The following CAPN7 variants were observed in gnomAD, a reference collection of about 807,000 sequenced individuals.
CAPN7 encodes calpain-7.
A neutral mutation model predicts 115.2 loss-of-function variants in CAPN7; 72 were observed. The ratio of observed to expected loss-of-function variants is 0.63; its 90% CI spans 0.52 to 0.76. The LOEUF (loss-of-function observed/expected upper bound fraction) is 0.76, where lower values mean the gene tolerates loss of function less well. Ranked by LOEUF, CAPN7 falls within the 30% of genes least tolerant of loss-of-function variation. The pLI, the probability that CAPN7 is intolerant of heterozygous loss-of-function variation, is 0.00. For missense variants in CAPN7, 905 were observed against 971.5 expected, an observed-to-expected ratio of 0.93 and a Z score of 0.91; for synonymous variants, 344 against 322.3, an observed-to-expected ratio of 1.07 and a Z score of -0.72.
At chr3:15,228,565 T>C (rs1398546442) in intron 7 of CAPN7, among the ~76,000 whole-genome samples, 1 of 152,178 alleles carries the variant, frequency 6.6e-6, no homozygotes, top group East Asian at 1.9e-4. Flanking sequence ...TGTAGGAACA[T>C]GGATGGAGCT....
chr3:15,223,603 C>A, intron 6 of CAPN7, 42 bp downstream of exon 6: 1 of 1,129,344 alleles, frequency 8.9e-7, no homozygotes, highest in Non-Finnish European at 1.3e-6. Context: ...AATATTTTAA[C>A]TTTTCAGTAC....
rs1323217146 is a variant in CAPN7 at position 15,232,632 on chromosome 3, C to A, written c.1146C>A (p.Val382=). The change falls in exon 10 of 21, where the codon GTC becomes GTA. Residue 382 remains valine, a synonymous_variant. Coordinates refer to ENST00000253693, the MANE Select transcript of CAPN7 (RefSeq NM_014296.3). ...TCATAGAAAAAGCATACATGAAAGT[C>A]ATGGGAGGATATGATTTTCCAGGAT... is the stretch of plus-strand genomic sequence containing the variant. ...VSLIEKAYMK[V]MGGYDFPGSN... is the part of the protein sequence containing the mutation. 6.2e-7 allele frequency: 1 copy of A among 1,610,940 alleles called. No individual in the cohort carries two copies. Among genetic ancestry groups the A allele is most frequent in the Non-Finnish European group, 8.5e-7 (1 of 1,178,834 alleles).
intron 12 of CAPN7, among the ~76,000 whole-genome samples, chr3:15,235,775 T>A (rs1694954709): frequency 6.6e-6 from 1 of 152,174 alleles, no homozygotes; most frequent in Non-Finnish European, 1.5e-5. Flanking sequence ...TGCGGCCCAG[T>A]TCCTAACAGG....
rs963262127 is a variant in CAPN7 at position 15,241,460 on chromosome 3, G to A, written c.1660G>A (p.Asp554Asn). The A allele has an allele frequency of 1.2e-6, 2 of 1,613,492 alleles. No homozygotes were observed. The highest frequency in any genetic ancestry group is 1.1e-5 in the South Asian group (1 of 91,040). The part of the protein sequence containing the change: ...KESTCIHSTW[D>N]AKQGPVKDAY... Reference sequence around the variant, plus strand: ...GTTGACTTTATCTTTTAGTACTTGGGATGCTAAGCAAGGACCTGTGAAAGA... The same window carrying A: ...GTTGACTTTATCTTTTAGTACTTGGAATGCTAAGCAAGGACCTGTGAAAGA... Residue 554 changes from aspartate (D) to asparagine (N), a missense_variant, in exon 15 of 21, where the codon GAT (aspartate) becomes AAT (asparagine). Asp to Asn is a conservative substitution (Grantham distance 23). Coordinates refer to ENST00000253693, the MANE Select transcript of CAPN7 (RefSeq NM_014296.3).
chr3:15,229,052 A>T lies in CAPN7; in HGVS notation c.931A>T (p.Ile311Phe). The T allele has an allele frequency of 6.2e-7, 1 of 1,610,994 alleles. No homozygotes were observed. The highest frequency in any genetic ancestry group is 2.2e-5 in the East Asian group (1 of 44,840). The change falls in exon 8 of 21, where the codon ATT (isoleucine) becomes TTT (phenylalanine). Residue 311 changes from isoleucine to phenylalanine, a missense_variant. Physicochemically the swap from Ile to Phe is conservative, Grantham distance 21. Transcript: ENST00000253693. ...AYERRFNKKL[I>F]TGIIYPQNKD... is the part of the protein sequence containing the mutation. Reference sequence around the variant, plus strand: ...TGAAAGACGTTTTAATAAGAAGTTAATTACCGGGTAAAAATGTGTCTCTCT... The same window carrying T: ...TGAAAGACGTTTTAATAAGAAGTTATTTACCGGGTAAAAATGTGTCTCTCT...
In CAPN7 at chr3:15,217,404, G is replaced by T. The variant is rs201431044; in HGVS notation, c.212-21G>T. The stretch of plus-strand genomic sequence containing the variant: ...TGTATTTAGATAATACTCCTTCTGC[G>T]TATTTTTTTTTCTATCCTAGTTCAG... On this transcript the variant is annotated intron_variant, in intron 2 of 20. Transcript: ENST00000253693. The T allele has an allele frequency of 1.6e-3, 2,520 of 1,566,162 alleles. 28 individuals carry two copies. In the African/African-American group the frequency reaches 0.027, roughly 17 times the overall value.
rs1223710059 is a variant in CAPN7, at chr3:15,235,039, A to T, written c.1301A>T (p.Asp434Val). Reference sequence around the variant, plus strand: ...GTTCATTCCAGATTTCACAAAGGAGATGTCCTCATCACTGCGTCAACTGGA... The same window carrying T: ...GTTCATTCCAGATTTCACAAAGGAGTTGTCCTCATCACTGCGTCAACTGGA... Reference protein sequence around the residue: ...RMLYQRFHKGDVLITASTGMM... With the variant: ...RMLYQRFHKGVVLITASTGMM... Residue 434 changes from aspartate to valine, a missense_variant, in exon 12 of 21, where the codon GAT becomes GTT. By Grantham distance (152) the Asp-to-Val change is radical. Coordinates refer to ENST00000253693, the MANE Select transcript of CAPN7 (RefSeq NM_014296.3). 6.2e-7 allele frequency: 1 copy of T among 1,611,010 alleles called. No individual in the cohort carries two copies. The highest frequency in any genetic ancestry group is 1.1e-5 in the South Asian group (1 of 90,384).
At chr3:15,207,970 T>C (rs1276489625) in intron 1 of CAPN7, among the ~76,000 whole-genome samples, 2 of 152,234 alleles carry the variant, frequency 1.3e-5, no homozygotes, top group Admixed American at 1.3e-4. Context: ...TTATTGTGTG[T>C]GGTAGACTTT....
At chr3:15,230,293 A>C in intron 8 of CAPN7, 149 bp from the exon 9 acceptor site, 2 of 493,198 alleles carry the variant, frequency 4.1e-6, no homozygotes, top group South Asian at 3.6e-5. Context: ...GGTGTAGTTC[A>C]TTTTCTAGGC....
chr3:15,237,895 T>C (rs1695088544), intron 12 of CAPN7, among the ~76,000 whole-genome samples: 1 of 152,046 alleles, frequency 6.6e-6, no homozygotes, highest in African/African-American at 2.4e-5. Flanking sequence ...GAGGATCACT[T>C]GAGCCCAATG....
chr3:15,232,497 G>C, intron 9 of CAPN7, 22 bp from the exon 10 acceptor site: 1 of 1,584,082 alleles, frequency 6.3e-7, no homozygotes, highest in Non-Finnish European at 8.6e-7. Flanking sequence ...CACCTAAGAA[G>C]GTTAATGTTC....
intron 12 of CAPN7, among the ~76,000 whole-genome samples, chr3:15,236,530 C>T (rs1447907299): frequency 6.6e-6 from 1 of 152,170 alleles, no homozygotes; most frequent in Non-Finnish European, 1.5e-5. Context: ...TTATGTGTGG[C>T]ACATGGATTT....
intron 11 of CAPN7, among the ~76,000 whole-genome samples, chr3:15,234,230 C>T (rs867119655): frequency 2.6e-5 from 4 of 152,120 alleles, no homozygotes; most frequent in East Asian, 1.9e-4. Context: ...GCAGGAGAAT[C>T]GCTTGAACGC....
intron 17 of CAPN7, 126 bp downstream of exon 17, chr3:15,245,797 G>C: frequency 1.5e-6 from 1 of 664,246 alleles, no homozygotes; most frequent in South Asian, 3.3e-5. Flanking sequence ...CTTTTTTTGT[G>C]CTTATCATTT....
At chr3:15,215,509 C>A (rs977223668) in intron 2 of CAPN7, among the ~76,000 whole-genome samples, 1 of 152,198 alleles carries the variant, frequency 6.6e-6, no homozygotes, top group African/African-American at 2.4e-5. Context: ...ATTCCTCCCT[C>A]CCCCTAGCCA....
intron 2 of CAPN7, among the ~76,000 whole-genome samples, chr3:15,216,984 T>C (rs899875775): frequency 6.6e-6 from 1 of 151,622 alleles, no homozygotes; most frequent in Admixed American, 6.6e-5. Context: ...ACACCTGTAA[T>C]CCCATCACTT....
intron 1 of CAPN7, among the ~76,000 whole-genome samples, chr3:15,208,066 G>A (rs1278753302): frequency 6.6e-6 from 1 of 152,056 alleles, no homozygotes; most frequent in African/African-American, 2.4e-5. Context: ...CATTATGATG[G>A]CTATGACATG....
At chr3:15,206,723 C>G (rs914257438) in intron 1 of CAPN7, 126 bp downstream of exon 1, 3 of 668,620 alleles carry the variant, frequency 4.5e-6, no homozygotes, top group Admixed American at 3.1e-5. Flanking sequence ...TCGTCCGCCT[C>G]CCGGCCCTCC....
At chr3:15,235,552 G>C (rs188591265) in intron 12 of CAPN7, among the ~76,000 whole-genome samples, 9 of 152,110 alleles carry the variant, frequency 5.9e-5, no homozygotes, top group Admixed American at 3.9e-4. Context: ...TCCACAGACT[G>C]GGGGGTGGGT....
Sources: allele counts gnomAD v4.1 joint callset (sites outside exome capture counted in the v4.1 genomes callset), GRCh38; gene constraint gnomAD v4.1.1; transcripts MANE v1.5; gene names NCBI Gene and HGNC (gene_info 2026-07-23, HGNC 2026-07-21).